RANBP2: variants seen among roughly 807,000 people sequenced by gnomAD.
The protein encoded by RANBP2 is RAN binding protein 2.
In RANBP2, 57 loss-of-function variants were observed where a neutral mutation model predicts 303.6. The observed-to-expected ratio is 0.19, with a 90% CI of 0.15 to 0.23. The LOEUF is 0.23. Ranked by LOEUF, RANBP2 falls within the 10% of genes least tolerant of loss-of-function variation. RANBP2 has a pLI of 1.00. For missense variants in RANBP2, 3,138 were observed against 3,780.8 expected (o/e 0.83, Z 4.46); for synonymous variants, 1,167 against 1,301.5 (o/e 0.90, Z 2.23).
chr2:109,548,146 T>C, the RANBP2 span, among the ~76,000 whole-genome samples: 3 of 150,568 alleles, frequency 2.0e-5, no homozygotes, highest in Admixed American at 6.7e-5. Flanking sequence ...AAGGAGAATG[T>C]AGGTGGACCT....
the RANBP2 span, among the ~76,000 whole-genome samples, chr2:109,580,190 A>C: frequency 6.6e-6 from 1 of 152,010 alleles, no homozygotes; most frequent in African/African-American, 2.4e-5. Flanking sequence ...GCAAAAAAAA[A>C]CTAAAAGAAA....
chr2:108,964,030 A>G, the RANBP2 span, among the ~76,000 whole-genome samples: 1 of 152,196 alleles, frequency 6.6e-6, no homozygotes, highest in Non-Finnish European at 1.5e-5. Context: ...GTGGCTGCTG[A>G]GCCTGAACTG....
At chr2:109,166,471 A>AAG in the RANBP2 span, among the ~76,000 whole-genome samples, 1 of 151,410 alleles carries the variant, frequency 6.6e-6, no homozygotes, top group Non-Finnish European at 1.5e-5. Flanking sequence ...AAAAAAAAAA[A>AAG]AAAGAAAGAA....
In RANBP2 at chr2:108,729,916, C is replaced by T. The variant is rs1573699247; in HGVS notation, c.140+717C>T. ...TGCATTTTTTGGTAGAGACAGGTGTCACTATGTTGCCCAGGCTAGTCTTGA... is the reference window on the plus strand; with the variant it reads ...TGCATTTTTTGGTAGAGACAGGTGTTACTATGTTGCCCAGGCTAGTCTTGA... On this transcript the variant is annotated intron_variant, in intron 2 of 28. Transcript: ENST00000283195. Among the ~76,000 whole-genome samples, 5 of 152,146 alleles carry T rather than the reference C, an allele frequency of 3.3e-5. No homozygotes were observed. The Middle Eastern group carries it at 0.014, about 414-fold the overall frequency.
chr2:109,389,310 A>G, the RANBP2 span, among the ~76,000 whole-genome samples: 1 of 152,208 alleles, frequency 6.6e-6, no homozygotes, highest in East Asian at 1.9e-4. Context: ...CAGGAGGAAG[A>G]GGGCCTTTTA....
the RANBP2 span, among the ~76,000 whole-genome samples, chr2:108,853,906 AT>A: frequency 8.1e-6 from 1 of 122,978 alleles, no homozygotes. Context: ...TATATTATAT[AT>A]TATATAGTAT....
chr2:109,054,765 C>T, the RANBP2 span, among the ~76,000 whole-genome samples: 3 of 152,136 alleles, frequency 2.0e-5, no homozygotes, highest in African/African-American at 7.2e-5. Flanking sequence ...GTCACCTCCA[C>T]GCCAGTCAAG....
Position 108,766,981 on chromosome 2 carries a change from G to C in RANBP2, c.6442G>C (p.Asp2148His). 1.2e-6 allele frequency: 2 copies of C among 1,609,332 alleles called. No individual in the cohort carries two copies. The highest frequency in any genetic ancestry group is 1.7e-6 in the Non-Finnish European group (2 of 1,179,826). ...KFEECQRLLL[D>H]IPLQTPHKLV... Reference sequence around the variant, plus strand: ...TGAGGAATGCCAGCGGCTTCTGTTAGACATACCACTTCAAACTCCCCATAA... The same window carrying C: ...TGAGGAATGCCAGCGGCTTCTGTTACACATACCACTTCAAACTCCCCATAA... The change falls in exon 20 of 29, where the codon GAC becomes CAC. Residue 2148 changes from aspartate to histidine, a missense_variant. Asp to His is a moderately conservative substitution (Grantham distance 81). This residue lies in a region of RANBP2 where 103 missense variants were observed against 214.3 expected (regional missense o/e 0.48). Coordinates refer to ENST00000283195, the MANE Select transcript of RANBP2 (RefSeq NM_006267.5).
At chr2:109,138,365 G>C in the RANBP2 span, among the ~76,000 whole-genome samples, 2 of 152,218 alleles carry the variant, frequency 1.3e-5, no homozygotes, top group African/African-American at 4.8e-5. Context: ...TAGGGAGAAA[G>C]TAGTGGGGTT....
the RANBP2 span, among the ~76,000 whole-genome samples, chr2:109,592,729 G>A: frequency 2.7e-5 from 4 of 150,244 alleles, no homozygotes; most frequent in Admixed American, 2.0e-4. Flanking sequence ...GCAGTGAGCC[G>A]AGATCATGCC....
the RANBP2 span, among the ~76,000 whole-genome samples, chr2:109,230,452 T>C: frequency 6.6e-6 from 1 of 152,086 alleles, no homozygotes; most frequent in African/African-American, 2.4e-5. Context: ...TGATGGTGCA[T>C]GCCTGTTATC....
chr2:109,557,002 C>G, the RANBP2 span, among the ~76,000 whole-genome samples: 1 of 152,016 alleles, frequency 6.6e-6, no homozygotes, highest in Non-Finnish European at 1.5e-5. Flanking sequence ...AGGGGAACAT[C>G]ACACACCGGA....
intron 9 of RANBP2, among the ~76,000 whole-genome samples, chr2:108,750,745 G>A (rs1244019430): frequency 6.6e-6 from 1 of 151,982 alleles, no homozygotes; most frequent in Non-Finnish European, 1.5e-5. Context: ...GTGACACCAT[G>A]CTCGGCTAAT....
chr2:109,593,241 T>A, the RANBP2 span: 2 of 552,768 alleles, frequency 3.6e-6, no homozygotes. Context: ...CAAGTTTTGA[T>A]GTGTAGTCTA....
the RANBP2 span, among the ~76,000 whole-genome samples, chr2:109,447,442 G>C: frequency 6.6e-6 from 1 of 152,128 alleles, no homozygotes; most frequent in Non-Finnish European, 1.5e-5. Flanking sequence ...TGTTTTTATT[G>C]CATGTATTTT....
the RANBP2 span, among the ~76,000 whole-genome samples, chr2:108,853,409 T>C: frequency 1.3e-5 from 2 of 152,128 alleles, no homozygotes; most frequent in Non-Finnish European, 2.9e-5. Context: ...GATACAGAAA[T>C]CTATGTGTAT....
the RANBP2 span, among the ~76,000 whole-genome samples, chr2:109,712,362 C>A: frequency 2.0e-5 from 3 of 152,306 alleles, no homozygotes; most frequent in African/African-American, 7.2e-5. Context: ...ACTCTCAGGG[C>A]TATGTAGAAC....
At chr2:109,588,839 T>C in the RANBP2 span, among the ~76,000 whole-genome samples, 1 of 120,330 alleles carries the variant, frequency 8.3e-6, no homozygotes, top group Non-Finnish European at 1.7e-5. Flanking sequence ...AAAGCCTAGG[T>C]CAATTACTAT....
At chr2:109,455,127 TC>T in the RANBP2 span, among the ~76,000 whole-genome samples, 1 of 152,206 alleles carries the variant, frequency 6.6e-6, no homozygotes, top group Non-Finnish European at 1.5e-5. Flanking sequence ...AATGCTGGCC[TC>T]CTGCCTCCTG....
Sources: allele counts gnomAD v4.1 joint callset (sites outside exome capture counted in the v4.1 genomes callset), GRCh38; gene constraint gnomAD v4.1.1; regional missense constraint gnomAD v4.1.1; transcripts MANE v1.5; gene names NCBI Gene and HGNC (gene_info 2026-07-23, HGNC 2026-07-21).